ARHGAP24: variants seen among roughly 807,000 people sequenced by gnomAD.
The protein encoded by ARHGAP24 is Rho GTPase activating protein 24.
ARHGAP24 carries 50 observed loss-of-function variants against 76.4 expected under a neutral mutation model. That is an observed-to-expected ratio of 0.65 (90% confidence interval 0.52 to 0.83). ARHGAP24 has a LOEUF of 0.83. Ranked by LOEUF, ARHGAP24 falls within the 40% of genes least tolerant of loss-of-function variation. ARHGAP24 has a pLI of 0.00. For synonymous variants in ARHGAP24, 345 were observed against 323.3 expected (o/e 1.07, Z -0.72); for missense variants, 930 against 914.2 (o/e 1.02, Z -0.22).
Position 85,796,203 on chromosome 4 carries a change from T to TACAC in ARHGAP24, c.268+74244_268+74247dup, listed in dbSNP as rs10658115. 9.7e-3 allele frequency among the ~76,000 whole-genome samples: 1,460 copies of TACAC among 150,692 alleles called. 23 individuals are homozygous for TACAC. Among genetic ancestry groups the TACAC allele is most frequent in the African/African-American group, 0.032 (1,324 of 41,066 alleles). On this transcript the variant is annotated intron_variant, in intron 3 of 9. Coordinates refer to ENST00000395184, the MANE Select transcript of ARHGAP24 (RefSeq NM_001025616.3). ...ACCCACAGTTTAGTTTTATACCTAC[T>TACAC]ACACACACACACACACTCACACACA... is the stretch of plus-strand genomic sequence containing the variant.
intron 1 of ARHGAP24, among the ~76,000 whole-genome samples, chr4:85,561,628 C>T (rs1246175689): frequency 6.6e-6 from 1 of 152,120 alleles, no homozygotes; most frequent in Non-Finnish European, 1.5e-5. Flanking sequence ...TCTATATGTC[C>T]TTCTCTGCAT....
chr4:85,477,412 GA>G (rs1023530802), intron 1 of ARHGAP24, among the ~76,000 whole-genome samples: 1 of 152,092 alleles, frequency 6.6e-6, no homozygotes, highest in Non-Finnish European at 1.5e-5. Flanking sequence ...AAGTTATCTA[GA>G]AAAAAATCCA....
At chr4:85,733,760 T>G (rs541195024) in intron 3 of ARHGAP24, among the ~76,000 whole-genome samples, 1 of 152,252 alleles carries the variant, frequency 6.6e-6, no homozygotes, top group South Asian at 2.1e-4. Context: ...TCCTAATTTC[T>G]TCTTCTTATA....
At chr4:85,587,407 G>A (rs1445302615) in intron 2 of ARHGAP24, among the ~76,000 whole-genome samples, 1 of 152,164 alleles carries the variant, frequency 6.6e-6, no homozygotes, top group Non-Finnish European at 1.5e-5. Flanking sequence ...TTCATGTTGT[G>A]TGTGATCATC....
chr4:85,683,117 T>TGGGGGGGGGGGGGGGG (rs201448168), intron 2 of ARHGAP24, among the ~76,000 whole-genome samples: 14 of 56,974 alleles, frequency 2.5e-4, no homozygotes, highest in Non-Finnish European at 3.5e-4. Context: ...TGTGGGGGGG[T>TGGGGGGGGGGGGGGGG]GGGGGGGGGG....
chr4:85,897,147 A>C (rs1463600684), intron 3 of ARHGAP24, among the ~76,000 whole-genome samples: 2 of 152,138 alleles, frequency 1.3e-5, no homozygotes, highest in Admixed American at 6.5e-5. Flanking sequence ...CCATAGGATG[A>C]GTTCTTGAAA....
chr4:85,793,287 G>A (rs1472776261), intron 3 of ARHGAP24, among the ~76,000 whole-genome samples: 2 of 152,134 alleles, frequency 1.3e-5, no homozygotes, highest in Admixed American at 6.5e-5. Context: ...GCTCATTTAC[G>A]ACAAGCTTTT....
At chr4:85,733,060 C>CCTTTTTTTTTTTTTTTTTTTTTTTTTT (rs1460021134) in intron 3 of ARHGAP24, among the ~76,000 whole-genome samples, 2 of 55,206 alleles carry the variant, frequency 3.6e-5, no homozygotes, top group Non-Finnish European at 6.4e-5. Flanking sequence ...GCCTCACCAA[C>CCTTTTTTTTTTTTTTTTTTTTTTTTTT]TTTTTTTTTT....
chr4:85,923,917 G>T, intron 4 of ARHGAP24, 147 bp downstream of exon 4: 1 of 1,168,430 alleles, frequency 8.6e-7, no homozygotes. Context: ...ATTGTTAGAC[G>T]TATGTCTTCG....
chr4:85,655,189 A>C (rs1722093581), intron 2 of ARHGAP24, among the ~76,000 whole-genome samples: 1 of 152,178 alleles, frequency 6.6e-6, no homozygotes, highest in Non-Finnish European at 1.5e-5. Flanking sequence ...TCATGTTGCA[A>C]GAGCTAATTA....
intron 5 of ARHGAP24, among the ~76,000 whole-genome samples, chr4:85,961,424 G>A (rs1171335321): frequency 2.0e-5 from 3 of 151,914 alleles, no homozygotes; most frequent in African/African-American, 4.8e-5. Flanking sequence ...ATTCAGCTGC[G>A]TAAAACTAGG....
At chr4:85,657,349 TTTTAGTTTCATAACTAAAGTTTGAACC>T (rs1053342079) in intron 2 of ARHGAP24, among the ~76,000 whole-genome samples, 4 of 152,008 alleles carry the variant, frequency 2.6e-5, no homozygotes, top group Admixed American at 6.6e-5. Flanking sequence ...TGTTCTTCCC[TTTTAGTTTCATAACTAAAGTTTGAACC>T]TTTAGTTTCA....
At chr4:85,699,949 A>G (rs1724015022) in intron 2 of ARHGAP24, among the ~76,000 whole-genome samples, 1 of 152,184 alleles carries the variant, frequency 6.6e-6, no homozygotes, top group Non-Finnish European at 1.5e-5. Context: ...ATAGAAAAAT[A>G]TTACATTTAT....
chr4:85,754,341 T>G (rs1178492224), intron 3 of ARHGAP24, among the ~76,000 whole-genome samples: 1 of 152,240 alleles, frequency 6.6e-6, no homozygotes, highest in Non-Finnish European at 1.5e-5. Flanking sequence ...TGATGGACAC[T>G]TAGTTGATTC....
At chr4:85,698,809 T>A (rs1266667373) in intron 2 of ARHGAP24, among the ~76,000 whole-genome samples, 1 of 152,216 alleles carries the variant, frequency 6.6e-6, no homozygotes, top group East Asian at 1.9e-4. Context: ...CCAAATCTCA[T>A]GTTAAGTTGT....
chr4:85,681,021 C>T (rs1167420696), intron 2 of ARHGAP24, among the ~76,000 whole-genome samples: 2 of 152,004 alleles, frequency 1.3e-5, no homozygotes, highest in Non-Finnish European at 2.9e-5. Context: ...AGAAATGTGT[C>T]TTGAGGATAC....
At chr4:85,553,751 C>T (rs1303517980) in intron 1 of ARHGAP24, among the ~76,000 whole-genome samples, 2 of 152,222 alleles carry the variant, frequency 1.3e-5, no homozygotes, top group Non-Finnish European at 2.9e-5. Context: ...ACCATTGGGT[C>T]TTGCTTCTTT....
At chr4:85,728,622 A>G (rs1211692272) in intron 3 of ARHGAP24, among the ~76,000 whole-genome samples, 1 of 152,176 alleles carries the variant, frequency 6.6e-6, no homozygotes, top group Non-Finnish European at 1.5e-5. Flanking sequence ...GGAACATTTC[A>G]TGGGTCTGGA....
intron 4 of ARHGAP24, chr4:85,924,671 C>G (rs1402061247): frequency 6.7e-6 from 1 of 150,284 alleles, no homozygotes; most frequent in Non-Finnish European, 1.5e-5. Flanking sequence ...CTGAACAGAT[C>G]GGACACTTCT....
Sources: gnomAD v4.1 joint callset for allele counts (sites outside exome capture counted in the v4.1 genomes callset) on GRCh38, gnomAD v4.1.1 for gene constraint, MANE v1.5 for transcripts, NCBI Gene and HGNC (gene_info 2026-07-23, HGNC 2026-07-21) for gene names.